Variants in ATP8A2 observed in about 807,000 individuals in gnomAD.
ATP8A2 encodes the protein ATPase phospholipid transporting 8A2, also known as phospholipid-transporting ATPase IB.
A neutral mutation model predicts 165.6 loss-of-function variants in ATP8A2; 100 were observed. The observed-to-expected ratio is 0.60, with a 90% CI of 0.51 to 0.71. ATP8A2 has a LOEUF of 0.71. ATP8A2 is among the 30% of genes least tolerant of loss of function. The pLI, the probability that ATP8A2 is intolerant of heterozygous loss-of-function variation, is 0.00. For missense variants in ATP8A2, 1,227 were observed against 1,479.5 expected, an observed-to-expected ratio of 0.83 and a Z score of 2.80; for synonymous variants, 543 against 548.8, an observed-to-expected ratio of 0.99 and a Z score of 0.15.
At chr13:25,440,005 A>G (rs1203305052) in intron 1 of ATP8A2, among the ~76,000 whole-genome samples, 2 of 152,162 alleles carry the variant, frequency 1.3e-5, no homozygotes, top group Non-Finnish European at 2.9e-5. Flanking sequence ...TCATTTTATG[A>G]GAGAAGGTTA....
intron 25 of ATP8A2, among the ~76,000 whole-genome samples, chr13:25,747,502 T>C (rs1474885498): frequency 3.9e-5 from 6 of 152,216 alleles, no homozygotes; most frequent in Non-Finnish European, 7.3e-5. Flanking sequence ...GTCTTCCACA[T>C]ACCTGATAAC....
chr13:25,532,240 A>G, intron 4 of ATP8A2, 32 bp from the exon 5 acceptor site: 1 of 1,573,962 alleles, frequency 6.4e-7, no homozygotes, highest in Non-Finnish European at 8.7e-7. Context: ...GAACTTTTGA[A>G]TGTTAAACTA....
intron 1 of ATP8A2, among the ~76,000 whole-genome samples, chr13:25,397,465 G>A (rs1041484611): frequency 2.6e-5 from 4 of 152,042 alleles, no homozygotes; most frequent in African/African-American, 7.2e-5. Context: ...AGGCGTGGAG[G>A]GGTCCTCTCT....
chr13:25,716,019 G>A (rs2043247855), intron 25 of ATP8A2, among the ~76,000 whole-genome samples: 1 of 152,236 alleles, frequency 6.6e-6, no homozygotes, highest in Admixed American at 6.5e-5. Context: ...CCATCCTAGT[G>A]GGTATAAAGT....
At chr13:25,729,883 G>A (rs2043580710) in intron 25 of ATP8A2, among the ~76,000 whole-genome samples, 1 of 152,180 alleles carries the variant, frequency 6.6e-6, no homozygotes, top group Non-Finnish European at 1.5e-5. Flanking sequence ...TTGTATAATT[G>A]TTAAATGTGA....
intron 24 of ATP8A2, among the ~76,000 whole-genome samples, chr13:25,620,687 C>T (rs1565986437): frequency 6.6e-6 from 1 of 152,006 alleles, no homozygotes; most frequent in African/African-American, 2.4e-5. Context: ...CTCATATTAC[C>T]TTGGAAAATA....
chr13:25,886,908 AG>A (rs1231235721), intron 33 of ATP8A2, among the ~76,000 whole-genome samples: 1 of 152,186 alleles, frequency 6.6e-6, no homozygotes, highest in East Asian at 1.9e-4. Context: ...TTATGAAGAA[AG>A]GGGTAATCAG....
At chr13:25,394,226 G>A (rs951553295) in intron 1 of ATP8A2, among the ~76,000 whole-genome samples, 1 of 152,172 alleles carries the variant, frequency 6.6e-6, no homozygotes, top group Non-Finnish European at 1.5e-5. Context: ...GATTAGACAT[G>A]TCTGCCTGTT....
intron 28 of ATP8A2, among the ~76,000 whole-genome samples, chr13:25,836,526 C>T (rs899113030): frequency 6.6e-6 from 1 of 152,166 alleles, no homozygotes; most frequent in African/African-American, 2.4e-5. Flanking sequence ...CTGCGTCCTC[C>T]CCTAACAGGT....
intron 25 of ATP8A2, among the ~76,000 whole-genome samples, chr13:25,700,539 T>C (rs960294591): frequency 1.4e-4 from 22 of 152,194 alleles, no homozygotes; most frequent in Non-Finnish European, 3.1e-4. Context: ...TGTCAGTACT[T>C]CCTTCTTTTT....
chr13:25,546,144 A>T (rs1376867571), intron 10 of ATP8A2, among the ~76,000 whole-genome samples: 1 of 152,240 alleles, frequency 6.6e-6, no homozygotes, highest in Non-Finnish European at 1.5e-5. Context: ...CTAGAAAACC[A>T]ATATTACATG....
At chr13:25,410,612 C>T (rs566010505) in intron 1 of ATP8A2, among the ~76,000 whole-genome samples, 45 of 152,290 alleles carry the variant, frequency 3.0e-4, no homozygotes, top group African/African-American at 7.7e-4. Context: ...CAAGGCCCTG[C>T]GTAAGGGTCA....
intron 2 of ATP8A2, among the ~76,000 whole-genome samples, chr13:25,503,822 C>G (rs1188798505): frequency 6.6e-6 from 1 of 152,042 alleles, no homozygotes; most frequent in East Asian, 1.9e-4. Flanking sequence ...GAGCCTGTTG[C>G]CGGCATTTGG....
At chr13:25,805,193 AT>A (rs1397596971) in intron 27 of ATP8A2, among the ~76,000 whole-genome samples, 3 of 151,038 alleles carry the variant, frequency 2.0e-5, no homozygotes, top group African/African-American at 7.3e-5. Flanking sequence ...CATCTACCCT[AT>A]TTTTTTTCCT....
intron 24 of ATP8A2, among the ~76,000 whole-genome samples, chr13:25,607,729 A>G (rs1565975400): frequency 6.6e-6 from 1 of 152,174 alleles, no homozygotes; most frequent in Non-Finnish European, 1.5e-5. Context: ...CATTTTTGGG[A>G]GAATTGGATC....
rs373459403 is a variant in ATP8A2, at chr13:25,961,594, C to T, written c.3203C>T (p.Ser1068Phe). ...TTGCAGGCAACTATGGTCCTGAGCT[C>T]CGCACACTTCTGGTTGGGATTATTT... Reference protein sequence around the residue: ...MRGQATMVLSSAHFWLGLFLV... With the variant: ...MRGQATMVLSFAHFWLGLFLV... Residue 1068 changes from serine to phenylalanine, a missense_variant, in exon 34 of 37, where the codon TCC becomes TTC. By Grantham distance (155) the Ser-to-Phe change is radical. Transcript: ENST00000381655. 7.4e-6 allele frequency: 12 copies of T among 1,614,044 alleles called. No individual in the cohort carries two copies. The highest frequency in any genetic ancestry group is 1.0e-5 in the Non-Finnish European group (12 of 1,179,916).
At chr13:25,626,744 G>A (rs2041111127) in intron 24 of ATP8A2, among the ~76,000 whole-genome samples, 1 of 152,138 alleles carries the variant, frequency 6.6e-6, no homozygotes, top group African/African-American at 2.4e-5. Flanking sequence ...CTGAGACTCG[G>A]TAATTTATAA....
chr13:25,462,092 C>T (rs892481776), intron 1 of ATP8A2, among the ~76,000 whole-genome samples: 1 of 152,224 alleles, frequency 6.6e-6, no homozygotes, highest in Non-Finnish European at 1.5e-5. Context: ...CAAGTTTCTG[C>T]AGATCTGGCT....
chr13:25,743,646 G>A (rs2043965381), intron 25 of ATP8A2, among the ~76,000 whole-genome samples: 1 of 152,180 alleles, frequency 6.6e-6, no homozygotes, highest in Admixed American at 6.5e-5. Flanking sequence ...GGCATGTGTG[G>A]GACAGGAAAC....
Sources: allele counts gnomAD v4.1 joint callset (sites outside exome capture counted in the v4.1 genomes callset), GRCh38; gene constraint gnomAD v4.1.1; transcripts MANE v1.5; gene names NCBI Gene and HGNC (gene_info 2026-07-23, HGNC 2026-07-21).